Variants in ACAD10 observed in about 807,000 individuals in gnomAD.
The protein encoded by ACAD10 is ACAD-10.
ACAD10 carries 112 observed loss-of-function variants against 116.8 expected under a neutral mutation model. That is an observed-to-expected ratio of 0.96 (90% CI 0.82 to 1.12). The LOEUF (loss-of-function observed/expected upper bound fraction) is 1.12. Ranked by LOEUF, ACAD10 falls within the 50% of genes most tolerant of loss-of-function variation. The probability of loss-of-function intolerance (pLI) is 0.00; values close to 1 mark genes in which losing one functional copy is unlikely to be tolerated. For missense variants in ACAD10, 1,259 were observed against 1,350.2 expected, an observed-to-expected ratio of 0.93 and a Z score of 1.06; for synonymous variants, 486 against 510.6, an observed-to-expected ratio of 0.95 and a Z score of 0.65.
chr12:111,741,646 G>A (rs147700853), intron 12 of ACAD10, among the ~76,000 whole-genome samples: 33 of 152,232 alleles, frequency 2.2e-4, no homozygotes, highest in Admixed American at 1.8e-3. Flanking sequence ...GACACACTGA[G>A]GAAATGGCTT....
Position 111,697,880 on chromosome 12 carries a change from G to C in ACAD10, c.188-4282G>C, listed in dbSNP as rs1223300311. ...ATTATAGGTGTAAGCCACTGGGCCT[G>C]GCCTTTTTTTTCCTGTTATTTTAAT... On this transcript the variant is annotated intron_variant, in intron 2 of 20. Transcript: ENST00000313698. Among the ~76,000 whole-genome samples, 5 of 151,372 alleles carry C rather than the reference G, an allele frequency of 3.3e-5. No individual in the cohort carries two copies. The East Asian group carries it at 5.8e-4, about 18-fold the overall frequency.
chr12:111,690,281 T>A (rs1189706239), intron 1 of ACAD10, among the ~76,000 whole-genome samples: 1 of 152,170 alleles, frequency 6.6e-6, no homozygotes, highest in East Asian at 1.9e-4. Flanking sequence ...AATTCACTTA[T>A]ATATATATGT....
At chr12:111,729,747 T>TC (rs369717917) in intron 9 of ACAD10, 59 bp from the exon 10 acceptor site, 2 of 1,583,008 alleles carry the variant, frequency 1.3e-6, no homozygotes, top group South Asian at 2.3e-5. Context: ...GGTTTTTTTT[T>TC]CCGCTACTTT....
At chr12:111,737,841 G>GGTGTGTGTGT (rs150399090) in intron 12 of ACAD10, among the ~76,000 whole-genome samples, 85 of 146,464 alleles carry the variant, frequency 5.8e-4, no homozygotes, top group African/African-American at 2.0e-3. Flanking sequence ...CAAATTTCTT[G>GGTGTGTGTGT]GTGTGTGTGT....
chr12:111,714,616 C>G (rs1888788435), intron 6 of ACAD10, among the ~76,000 whole-genome samples: 1 of 149,542 alleles, frequency 6.7e-6, no homozygotes, highest in African/African-American at 2.4e-5. Context: ...GAGCTGAGAT[C>G]ACGCCACTGC....
intron 3 of ACAD10, among the ~76,000 whole-genome samples, chr12:111,703,939 A>G (rs1267188953): frequency 1.3e-5 from 2 of 150,770 alleles, no homozygotes; most frequent in African/African-American, 4.9e-5. Flanking sequence ...ATATATGTGT[A>G]TATGTAATAG....
At chr12:111,723,293 A>C (rs1369803872) in intron 8 of ACAD10, among the ~76,000 whole-genome samples, 1 of 98,212 alleles carries the variant, frequency 1.0e-5, no homozygotes, top group African/African-American at 4.0e-5. Flanking sequence ...CTCACCTCCC[A>C]GACGGGGCGG....
At chr12:111,737,417 C>T (rs1299446819) in intron 12 of ACAD10, among the ~76,000 whole-genome samples, 1 of 152,110 alleles carries the variant, frequency 6.6e-6, no homozygotes, top group Non-Finnish European at 1.5e-5. Context: ...GAACTCCGGG[C>T]CTCAAGTGAT....
Position 111,755,757 on chromosome 12 carries a change from C to T in ACAD10, c.3039+12C>T. 6.2e-7 allele frequency: 1 copy of T among 1,612,858 alleles called. No homozygotes were observed. The highest frequency in any genetic ancestry group is 8.5e-7 in the Non-Finnish European group (1 of 1,179,228). On this transcript the variant is annotated intron_variant, in intron 20 of 20. Transcript: ENST00000313698. ...ATCGTGCGATTCAGGTGAGCACAGA[C>T]CAGACAGTTGGCTTATTTGAACCAT... is the stretch of plus-strand genomic sequence containing the variant.
intron 19 of ACAD10, among the ~76,000 whole-genome samples, chr12:111,754,327 A>G (rs780514591): frequency 6.6e-6 from 1 of 152,140 alleles, no homozygotes; most frequent in Admixed American, 6.6e-5. Context: ...CCTTTTATTT[A>G]TTTATTTTTT....
chr12:111,753,569 G>T, intron 18 of ACAD10: 1 of 739,126 alleles, frequency 1.4e-6, no homozygotes, highest in Admixed American at 2.0e-5. Context: ...ACACGTGAAG[G>T]TTGTGTGTCA....
At chr12:111,704,591 A>G (rs1776125737) in intron 3 of ACAD10, among the ~76,000 whole-genome samples, 1 of 152,112 alleles carries the variant, frequency 6.6e-6, no homozygotes, top group African/African-American at 2.4e-5. Flanking sequence ...CTGTTCTAAA[A>G]TCTGTGTGTG....
intron 2 of ACAD10, among the ~76,000 whole-genome samples, chr12:111,697,433 T>A (rs575714887): frequency 6.7e-6 from 1 of 148,272 alleles, no homozygotes; most frequent in South Asian, 2.3e-4. Context: ...TGATCTTGGC[T>A]CACTGCAACC....
Position 111,738,879 on chromosome 12 carries a change from T to C in ACAD10, c.1714+1875T>C, listed in dbSNP as rs1398539073. 2.7e-5 allele frequency among the ~76,000 whole-genome samples: 4 copies of C among 150,800 alleles called. No homozygotes were observed. In the Admixed American group the frequency reaches 2.7e-4, roughly 10 times the overall value. ...GAGCAAGACACTGTCCCCCCAAAAA[T>C]AAAAATTAAATAAATAAGTCCATGA... On this transcript the variant is annotated intron_variant, in intron 12 of 20. Coordinates refer to ENST00000313698, the MANE Select transcript of ACAD10 (RefSeq NM_025247.6).
In ACAD10 at chr12:111,744,652, G is replaced by A. The variant is rs980873983; in HGVS notation, c.1724G>A (p.Ser575Asn). 2.5e-6 allele frequency: 4 copies of A among 1,612,760 alleles called. No homozygotes were observed. Among genetic ancestry groups the A allele is most frequent in the Non-Finnish European group, 3.4e-6 (4 of 1,179,154 alleles). ...VYKRSLTGQA[S>N]STYAEQTGKL... The stretch of plus-strand genomic sequence containing the variant: ...CTTTGATTCTGCTTAGGGCAAGCAA[G>A]CTCCACATATGCGGAACAAACTGGA... The change falls in exon 13 of 21, where the codon AGC becomes AAC. Residue 575 changes from serine to asparagine, a missense_variant. Ser to Asn is a conservative substitution (Grantham distance 46). Transcript: ENST00000313698.
chr12:111,738,254 T>A (rs551563184), intron 12 of ACAD10, among the ~76,000 whole-genome samples: 1 of 152,214 alleles, frequency 6.6e-6, no homozygotes, highest in South Asian at 2.1e-4. Flanking sequence ...CTATCCAGCC[T>A]ACCCAACATG....
At chr12:111,703,698 C>T (rs890059271) in intron 3 of ACAD10, among the ~76,000 whole-genome samples, 1 of 151,770 alleles carries the variant, frequency 6.6e-6, no homozygotes, top group Non-Finnish European at 1.5e-5. Context: ...TTTAGCCAGG[C>T]GTGGTGGTGG....
intron 2 of ACAD10, among the ~76,000 whole-genome samples, chr12:111,701,427 GAGGC>G (rs58376055): frequency 0.27 from 41,512 of 151,736 alleles, 7,485 homozygotes; most frequent in East Asian, 0.9. Flanking sequence ...TGGGAGGCCC[GAGGC>G]AGGCAGGCAG....
chr12:111,692,170 G>T (rs1888065526), intron 1 of ACAD10, among the ~76,000 whole-genome samples: 1 of 152,198 alleles, frequency 6.6e-6, no homozygotes, highest in Admixed American at 6.5e-5. Context: ...GTTTCTCCAT[G>T]TTGGTCAGGC....
Sources: allele counts gnomAD v4.1 joint callset (sites outside exome capture counted in the v4.1 genomes callset), GRCh38; gene constraint gnomAD v4.1.1; transcripts MANE v1.5; gene names NCBI Gene and HGNC (gene_info 2026-07-23, HGNC 2026-07-21).